CNTN6: variants seen among roughly 807,000 people sequenced by gnomAD.
CNTN6 encodes contactin-6.
Under a neutral mutation model 122.8 loss-of-function variants are expected in CNTN6, and 137 were observed. That is an observed-to-expected ratio of 1.12 (90% CI 0.97 to 1.29). The LOEUF (loss-of-function observed/expected upper bound fraction) is 1.29, where lower values mean the gene tolerates loss of function less well. Ranked by LOEUF, CNTN6 falls within the 50% of genes most tolerant of loss-of-function variation. The pLI is 0.00. For synonymous variants in CNTN6, 570 were observed against 426.0 expected (o/e 1.34, Z -4.16); for missense variants, 1,634 against 1,223.4 (o/e 1.34, Z -5.01).
At chr3:1,321,990 G>A (rs1700928807) in intron 8 of CNTN6, among the ~76,000 whole-genome samples, 156 bp downstream of exon 8, 1 of 151,470 alleles carries the variant, frequency 6.6e-6, no homozygotes, top group African/African-American at 2.4e-5. Flanking sequence ...TTAGCAGATG[G>A]GAATGACCAC....
intron 2 of CNTN6, among the ~76,000 whole-genome samples, chr3:1,157,220 A>AATTT (rs1553609959): frequency 1.4e-5 from 2 of 139,856 alleles, no homozygotes; most frequent in Non-Finnish European, 3.1e-5. Context: ...TTATTTATTT[A>AATTT]ATTTATTTAT....
chr3:1,099,375 C>T (rs544168011), intron 1 of CNTN6, among the ~76,000 whole-genome samples: 18 of 152,046 alleles, frequency 1.2e-4, no homozygotes, highest in Non-Finnish European at 2.2e-4. Context: ...GGCGGGAACC[C>T]GGGGGGCGGA....
In CNTN6 at chr3:1,247,513, CCAGAGGAGAAT is replaced by C. The variant is rs1308860310; in HGVS notation, c.358+19521_358+19531del. Among the ~76,000 whole-genome samples, 4 of 151,418 alleles carry C rather than the reference CCAGAGGAGAAT, an allele frequency of 2.6e-5. No individual in the cohort carries two copies. In the East Asian group the frequency reaches 7.8e-4, roughly 29 times the overall value. ...AAAGGAGAATAAAATCCAAAGAGAA[CCAGAGGAGAAT>C]AAAAATTCATGCCATGAGATCCAAT... On this transcript the variant is annotated intron_variant, in intron 4 of 22. Transcript: ENST00000446702.
At chr3:1,364,698 C>G (rs1292820764) in intron 12 of CNTN6, among the ~76,000 whole-genome samples, 2 of 151,862 alleles carry the variant, frequency 1.3e-5, no homozygotes, top group East Asian at 3.9e-4. Flanking sequence ...ATAAATGGTC[C>G]TGACATAAGT....
chr3:1,153,644 G>T (rs2092897908), intron 2 of CNTN6, among the ~76,000 whole-genome samples: 1 of 152,072 alleles, frequency 6.6e-6, no homozygotes, highest in Admixed American at 6.5e-5. Context: ...CAGGCACCTA[G>T]GAAAAAGGGA....
intron 2 of CNTN6, among the ~76,000 whole-genome samples, chr3:1,155,330 G>A (rs1190489576): frequency 1.3e-5 from 2 of 152,104 alleles, no homozygotes; most frequent in Non-Finnish European, 2.9e-5. Flanking sequence ...TAAAATAAAT[G>A]AGCACGTTAT....
chr3:1,274,434 C>T (rs115449941), intron 4 of CNTN6, among the ~76,000 whole-genome samples: 4,607 of 152,162 alleles, frequency 0.03, 104 homozygotes, highest in South Asian at 0.067. Flanking sequence ...AGGTGGAGAA[C>T]GGGAAGGGGG....
At chr3:1,236,926 A>T (rs2094430101) in intron 4 of CNTN6, among the ~76,000 whole-genome samples, 1 of 151,978 alleles carries the variant, frequency 6.6e-6, no homozygotes. Context: ...TAAAAAATAC[A>T]TAAAATTAGC....
At chr3:1,350,767 T>C (rs1215622019) in intron 11 of CNTN6, among the ~76,000 whole-genome samples, 4 of 151,908 alleles carry the variant, frequency 2.6e-5, no homozygotes, top group Admixed American at 2.0e-4. Context: ...GTGTTTTTTA[T>C]TGGCCAATAG....
chr3:1,306,537 G>T (rs749804122), intron 7 of CNTN6, among the ~76,000 whole-genome samples: 2 of 152,184 alleles, frequency 1.3e-5, no homozygotes, highest in African/African-American at 2.4e-5. Flanking sequence ...ATGCTGAAAA[G>T]TGTGGACTTT....
rs770634544 is a variant in CNTN6 at position 1,372,296 on chromosome 3, CAGAG to C, written c.1494_1497del (p.Arg499LeufsTer18). 18 of 1,589,318 alleles carry C rather than the reference CAGAG, an allele frequency of 1.1e-5. No homozygotes were observed. Among genetic ancestry groups the C allele is most frequent in the East Asian group, 2.3e-5 (1 of 44,326 alleles). The stretch of plus-strand genomic sequence containing the variant: ...TTTAAAAAATAATTTTTTTTCTCAA[CAGAG>C]AGAACTGTCATTACCGTCCCACCTT... On this transcript the variant is annotated splice_acceptor_variant and coding_sequence_variant, in exon 13 of 23. Coordinates refer to ENST00000446702, the MANE Select transcript of CNTN6 (RefSeq NM_001289080.2). LOFTEE classifies it high-confidence loss of function.
At chr3:1,268,407 A>G (rs1024327012) in intron 4 of CNTN6, among the ~76,000 whole-genome samples, 7 of 152,154 alleles carry the variant, frequency 4.6e-5, no homozygotes, top group Non-Finnish European at 7.3e-5. Context: ...GGAGATCGAG[A>G]CCATCCTGGT....
At chr3:1,101,858 T>A (rs2090914124) in intron 1 of CNTN6, among the ~76,000 whole-genome samples, 1 of 152,170 alleles carries the variant, frequency 6.6e-6, no homozygotes, top group Non-Finnish European at 1.5e-5. Flanking sequence ...TTCCTTAAGT[T>A]TAATGGTATG....
At chr3:1,288,447 C>T (rs1369077974) in intron 5 of CNTN6, among the ~76,000 whole-genome samples, 1 of 152,160 alleles carries the variant, frequency 6.6e-6, no homozygotes, top group Non-Finnish European at 1.5e-5. Flanking sequence ...ACTGAGCTAG[C>T]ATAACCATGA....
intron 20 of CNTN6, among the ~76,000 whole-genome samples, chr3:1,389,609 C>T (rs1415838608): frequency 1.5e-5 from 2 of 129,174 alleles, no homozygotes; most frequent in African/African-American, 5.1e-5. Context: ...AATTAAAAGA[C>T]ACAGACTGGC....
At chr3:1,264,208 G>C (rs2094891369) in intron 4 of CNTN6, among the ~76,000 whole-genome samples, 1 of 152,016 alleles carries the variant, frequency 6.6e-6, no homozygotes, top group Non-Finnish European at 1.5e-5. Flanking sequence ...CCTACTGTGG[G>C]CCAGCACTTA....
chr3:1,399,134 C>T (rs1201522276), intron 20 of CNTN6, among the ~76,000 whole-genome samples: 1 of 152,056 alleles, frequency 6.6e-6, no homozygotes. Flanking sequence ...CTGCCAATGA[C>T]ACTGAAGTGG....
chr3:1,359,688 T>G (rs1284811488), intron 12 of CNTN6, among the ~76,000 whole-genome samples: 2 of 152,182 alleles, frequency 1.3e-5, no homozygotes, highest in Middle Eastern at 3.4e-3. Context: ...ATATAAAACA[T>G]TTTAGACTTA....
intron 17 of CNTN6, among the ~76,000 whole-genome samples, chr3:1,377,425 TAGGC>T (rs1710037338): frequency 6.6e-6 from 1 of 152,150 alleles, no homozygotes; most frequent in South Asian, 2.1e-4. Flanking sequence ...CAGTAGACTG[TAGGC>T]AAAAAATAGT....
Sources: allele counts gnomAD v4.1 joint callset (sites outside exome capture counted in the v4.1 genomes callset), GRCh38; gene constraint gnomAD v4.1.1; transcripts MANE v1.5; gene names NCBI Gene and HGNC (gene_info 2026-07-23, HGNC 2026-07-21).